NUDT6: variants seen among roughly 807,000 people sequenced by gnomAD.
NUDT6 encodes the protein FAD diphosphatase NUDT6.
Under a neutral mutation model 36.8 loss-of-function variants are expected in NUDT6, and 24 were observed. That is an observed-to-expected ratio of 0.65 (90% confidence interval 0.47 to 0.92). The LOEUF is 0.92. Among genes scored for constraint, NUDT6 ranks in the 40% least tolerant of loss-of-function variants. The probability of loss-of-function intolerance (pLI) is 0.00; values close to 1 mark genes in which losing one functional copy is unlikely to be tolerated. For synonymous variants in NUDT6, 163 were observed against 157.0 expected (o/e 1.04, Z -0.29); for missense variants, 388 against 392.8 (o/e 0.99, Z 0.10).
At chr4:122,916,248 T>G (rs1227764289) in intron 2 of NUDT6, among the ~76,000 whole-genome samples, 1 of 152,118 alleles carries the variant, frequency 6.6e-6, no homozygotes, top group Non-Finnish European at 1.5e-5. Context: ...CCAGGTGATT[T>G]TGATGCAATC....
chr4:122,912,576 G>A lies in NUDT6; in HGVS notation c.490C>T (p.Arg164Ter), dbSNP rs1007770021. 4 of 1,590,352 alleles carry A rather than the reference G, an allele frequency of 2.5e-6. No homozygotes were observed. Among genetic ancestry groups the A allele is most frequent in the African/African-American group, 1.3e-5 (1 of 74,396 alleles). ...AAACAGAAGCAGCTTACTTTATTTC[G>A]ATCTTGTACAACCAGTATTTTTCTA... is the stretch of plus-strand genomic sequence containing the variant. ...STRKILVVQD[R>*]NKLKNMWKFP... Residue 164 changes from arginine (R) to a stop codon, truncating the protein, a stop_gained, in exon 3 of 5, where the codon CGA (arginine) becomes TGA (stop). Coordinates refer to ENST00000304430, the MANE Select transcript of NUDT6 (RefSeq NM_007083.5). LOFTEE classifies it high-confidence loss of function.
At chr4:122,906,936 A>G (rs1405010288) in intron 3 of NUDT6, among the ~76,000 whole-genome samples, 4 of 152,218 alleles carry the variant, frequency 2.6e-5, no homozygotes, top group Admixed American at 2.0e-4. Context: ...GACAAATGCC[A>G]TGGTAATATC....
At chr4:122,901,367 T>G (rs1727520965) in intron 3 of NUDT6, among the ~76,000 whole-genome samples, 1 of 152,306 alleles carries the variant, frequency 6.6e-6, no homozygotes, top group East Asian at 1.9e-4. Flanking sequence ...TAAACCATAT[T>G]TAGATTAGTT....
chr4:122,907,382 G>A (rs1425683786), intron 3 of NUDT6, among the ~76,000 whole-genome samples: 4 of 151,428 alleles, frequency 2.6e-5, no homozygotes, highest in Non-Finnish European at 1.5e-5. Context: ...TGATCCACCT[G>A]CCTCAGCCTC....
chr4:122,905,047 A>G (rs1267960504), intron 3 of NUDT6, among the ~76,000 whole-genome samples: 2 of 152,222 alleles, frequency 1.3e-5, no homozygotes, highest in Non-Finnish European at 2.9e-5. Context: ...AGGGGACCCC[A>G]GCGGGTTGCC....
chr4:122,917,040 A>G (rs1427054158), intron 2 of NUDT6, among the ~76,000 whole-genome samples: 2 of 152,182 alleles, frequency 1.3e-5, no homozygotes, highest in Non-Finnish European at 2.9e-5. Flanking sequence ...TTTAAAACTT[A>G]AGAGTTTTTT....
intron 3 of NUDT6, among the ~76,000 whole-genome samples, chr4:122,904,323 CT>C (rs2150803436): frequency 6.6e-6 from 1 of 152,284 alleles, no homozygotes; most frequent in African/African-American, 2.4e-5. Flanking sequence ...ACCCTTACCC[CT>C]GGCCAAGGCA....
chr4:122,905,070 A>G (rs1421714115), intron 3 of NUDT6, among the ~76,000 whole-genome samples: 2 of 152,180 alleles, frequency 1.3e-5, no homozygotes, highest in African/African-American at 4.8e-5. Flanking sequence ...TGCTGGCTGA[A>G]GTGGCCAGCT....
In NUDT6 at chr4:122,922,596, T is replaced by A; in HGVS notation, c.-24A>T. 6.3e-7 allele frequency: 1 copy of A among 1,574,946 alleles called. No individual in the cohort carries two copies. The highest frequency in any genetic ancestry group is 8.6e-7 in the Non-Finnish European group (1 of 1,163,572). On this transcript the variant is annotated 5_prime_UTR_variant, in exon 1 of 5. Transcript: ENST00000304430. ...ATCTCCACGCCGCTTAATTCGTCCG[T>A]TGCCCAAATGACCCCTCCGCGCTCC...
Position 122,892,842 on chromosome 4 carries a change from T to A in NUDT6, c.937A>T (p.Lys313Ter), listed in dbSNP as rs1411117195. The change falls in exon 5 of 5, where the codon AAA becomes TAA. Residue 313 changes from lysine (K) to a stop codon, truncating the protein, a stop_gained. Transcript: ENST00000304430. LOFTEE classifies it high-confidence loss of function. Reference sequence around the variant, plus strand: ...TAAATGTGAATTTAATCAATTCCTTTCATAGTTTTATAATTCTCTGGCAGT... The same window carrying A: ...TAAATGTGAATTTAATCAATTCCTTACATAGTTTTATAATTCTCTGGCAGT... ...KELPENYKTMKGID is the reference protein window; with the variant it reads ...KELPENYKTM 1 of 1,601,178 alleles carries A rather than the reference T, an allele frequency of 6.2e-7. No homozygotes were observed. Among genetic ancestry groups the A allele is most frequent in the Non-Finnish European group, 8.5e-7 (1 of 1,172,352 alleles).
chr4:122,909,589 T>G (rs961440621), intron 3 of NUDT6, among the ~76,000 whole-genome samples: 1 of 149,910 alleles, frequency 6.7e-6, no homozygotes, highest in Non-Finnish European at 1.5e-5. Context: ...TATGACTTCT[T>G]AGGAGGCTAA....
intron 3 of NUDT6, among the ~76,000 whole-genome samples, chr4:122,903,179 T>C (rs980158808): frequency 5.3e-5 from 8 of 152,208 alleles, no homozygotes; most frequent in African/African-American, 1.9e-4. Flanking sequence ...TTGCTCTCTT[T>C]GATGGATCTC....
At position 122,892,798 on chromosome 4, in the gene NUDT6, C is replaced by A; in HGVS notation, c.*30G>T. On this transcript the variant is annotated 3_prime_UTR_variant, in exon 5 of 5. Coordinates refer to ENST00000304430, the MANE Select transcript of NUDT6 (RefSeq NM_007083.5). ...ACTATTTCTTATGTCATTCGTTAGT[C>A]TACATGTTTCTAAACATATAAATGT... 1 of 1,514,262 alleles carries A rather than the reference C, an allele frequency of 6.6e-7. No homozygotes were observed. The highest frequency in any genetic ancestry group is 1.3e-5 in the South Asian group (1 of 78,772). The allele number at this position is 1,514,262 out of a possible 1,614,324, so 93.8% of individuals were successfully genotyped here.
At position 122,893,115 on chromosome 4, in the gene NUDT6, C is replaced by T. The variant is rs1476199423; in HGVS notation, c.664G>A (p.Asp222Asn). 6.2e-7 allele frequency: 1 copy of T among 1,614,154 alleles called. No homozygotes were observed. Among genetic ancestry groups the T allele is most frequent in the Non-Finnish European group, 8.5e-7 (1 of 1,180,026 alleles). ...HTNPGAFGKS[D>N]MYIICRLKPY... ...TTTAGGCGGCAGATGATATACATAT[C>T]TGACTTCCCAAAAGCTCCAGGATTT... Residue 222 changes from aspartate to asparagine, a missense_variant, in exon 5 of 5, where the codon GAT becomes AAT. Transcript: ENST00000304430.
At chr4:122,893,752 A>T (rs2150795225) in intron 4 of NUDT6, 1 of 152,384 alleles carries the variant, frequency 6.6e-6, no homozygotes, top group African/African-American at 2.4e-5. Flanking sequence ...TTTGTGTGGC[A>T]GGATTTTTAT....
At position 122,902,691 on chromosome 4, in the gene NUDT6, C is replaced by G. The variant is rs543246353; in HGVS notation, c.499-5013G>C. ...ATTCAGTGAATGAATTAATGGGTCCCTACCCTTAACTCTTGAACACCCAGT... is the reference window on the plus strand; with the variant it reads ...ATTCAGTGAATGAATTAATGGGTCCGTACCCTTAACTCTTGAACACCCAGT... On this transcript the variant is annotated intron_variant, in intron 3 of 4. Coordinates refer to ENST00000304430, the MANE Select transcript of NUDT6 (RefSeq NM_007083.5). 4.6e-5 allele frequency among the ~76,000 whole-genome samples: 7 copies of G among 152,276 alleles called. No homozygotes were observed. The East Asian group carries it at 9.6e-4, about 21-fold the overall frequency.
intron 1 of NUDT6, chr4:122,922,102 G>A (rs1728046003): frequency 7.3e-6 from 3 of 409,786 alleles, no homozygotes; most frequent in Non-Finnish European, 1.3e-5. Flanking sequence ...AGCAACCAGG[G>A]TTGCAGATCC....
chr4:122,897,745 C>A lies in NUDT6; in HGVS notation c.499-67G>T, dbSNP rs532370438. The stretch of plus-strand genomic sequence containing the variant: ...CTAACACACACATATGTAGATTTCA[C>A]AAAATCCACCTATAATTGGTCAAAG... On this transcript the variant is annotated intron_variant, in intron 3 of 4. Transcript: ENST00000304430. 2.8e-6 allele frequency: 3 copies of A among 1,064,328 alleles called. No homozygotes were observed. In the East Asian group the frequency reaches 7.1e-5, roughly 25 times the overall value. The allele number at this position is 1,064,328 out of a possible 1,614,324, so 65.9% of individuals were successfully genotyped here.
At chr4:122,897,117 CCTGA>C (rs1191300188) in intron 4 of NUDT6, 2 of 152,544 alleles carry the variant, frequency 1.3e-5, no homozygotes, top group Middle Eastern at 3.5e-3. Flanking sequence ...GTTTTGACTA[CCTGA>C]CTATTAAAAA....
Sources: allele counts gnomAD v4.1 joint callset (sites outside exome capture counted in the v4.1 genomes callset), GRCh38; gene constraint gnomAD v4.1.1; transcripts MANE v1.5; gene names NCBI Gene and HGNC (gene_info 2026-07-23, HGNC 2026-07-21).